The following CAMK2B variants were observed in gnomAD, a reference collection of about 807,000 sequenced individuals.
The protein encoded by CAMK2B is calcium/calmodulin dependent protein kinase II beta, also known as calcium/calmodulin-dependent protein kinase type II subunit beta.
Under a neutral mutation model 93.7 loss-of-function variants are expected in CAMK2B, and 27 were observed. The observed-to-expected ratio is 0.29, with a 90% CI of 0.21 to 0.40. CAMK2B has a LOEUF of 0.40. Among genes scored for constraint, CAMK2B ranks in the 10% least tolerant of loss-of-function variants. CAMK2B has a pLI of 1.00. For synonymous variants in CAMK2B, 374 were observed against 358.8 expected (o/e 1.04, Z -0.48); for missense variants, 568 against 895.8 (o/e 0.63, Z 4.67).
intron 1 of CAMK2B, among the ~76,000 whole-genome samples, chr7:44,313,404 G>A (rs1280358049): frequency 6.6e-6 from 1 of 151,812 alleles, no homozygotes; most frequent in Non-Finnish European, 1.5e-5. Context: ...TGCAGTAATG[G>A]GAAGCTACAG....
At chr7:44,222,875 G>A (rs1330424271) in intron 20 of CAMK2B, among the ~76,000 whole-genome samples, 18 of 152,152 alleles carry the variant, frequency 1.2e-4, no homozygotes, top group Admixed American at 1.0e-3. Flanking sequence ...CCACATGCCC[G>A]GGTGTGCTCA....
intron 2 of CAMK2B, among the ~76,000 whole-genome samples, chr7:44,278,728 G>A (rs1489105026): frequency 2.0e-5 from 3 of 152,228 alleles, no homozygotes; most frequent in Non-Finnish European, 4.4e-5. Context: ...CCCACCCCAA[G>A]AGGCAGGCTG....
At chr7:44,254,350 G>C (rs924302358) in intron 5 of CAMK2B, among the ~76,000 whole-genome samples, 192 bp downstream of exon 5, 4 of 152,234 alleles carry the variant, frequency 2.6e-5, no homozygotes, top group African/African-American at 9.6e-5. Flanking sequence ...GGGCGTGGAG[G>C]GGAGGTGGCC....
At chr7:44,288,784 T>C (rs917345298) in intron 1 of CAMK2B, among the ~76,000 whole-genome samples, 3 of 152,266 alleles carry the variant, frequency 2.0e-5, no homozygotes, top group African/African-American at 7.2e-5. Flanking sequence ...GGCCCGGAAC[T>C]ACATGGCCTG....
At chr7:44,296,456 A>G (rs1788344506) in intron 1 of CAMK2B, among the ~76,000 whole-genome samples, 1 of 152,190 alleles carries the variant, frequency 6.6e-6, no homozygotes, top group Non-Finnish European at 1.5e-5. Flanking sequence ...AAAATTACAA[A>G]AGATATAAAC....
At chr7:44,278,211 G>A (rs555860266) in intron 2 of CAMK2B, among the ~76,000 whole-genome samples, 5 of 152,344 alleles carry the variant, frequency 3.3e-5, no homozygotes, top group Non-Finnish European at 5.9e-5. Flanking sequence ...TGGGCCAGAC[G>A]ACACCAGAAA....
At chr7:44,298,145 A>T (rs1788820856) in intron 1 of CAMK2B, among the ~76,000 whole-genome samples, 1 of 152,130 alleles carries the variant, frequency 6.6e-6, no homozygotes, top group Non-Finnish European at 1.5e-5. Flanking sequence ...AAAACAAAAA[A>T]CCCAATACAA....
chr7:44,241,640 C>A, intron 11 of CAMK2B, 60 bp downstream of exon 11: 1 of 1,399,110 alleles, frequency 7.1e-7, no homozygotes, highest in South Asian at 1.2e-5. Context: ...CCCCCCTGCT[C>A]CAGCCCAGAG....
chr7:44,303,258 A>G (rs573947853), intron 1 of CAMK2B, among the ~76,000 whole-genome samples: 27 of 152,316 alleles, frequency 1.8e-4, no homozygotes, highest in African/African-American at 6.0e-4. Flanking sequence ...TCAAAGAAGA[A>G]CTAAATAAAT....
chr7:44,256,776 C>G, intron 4 of CAMK2B, among the ~76,000 whole-genome samples: 1 of 152,344 alleles, frequency 6.6e-6, no homozygotes, highest in East Asian at 1.9e-4. Context: ...TGCAGGCCCT[C>G]TGGTGTGCTC....
intron 20 of CAMK2B, among the ~76,000 whole-genome samples, chr7:44,223,114 G>A (rs970198473): frequency 6.6e-6 from 1 of 152,224 alleles, no homozygotes; most frequent in Non-Finnish European, 1.5e-5. Context: ...AATGTGTGTA[G>A]ATGAAGCTCA....
chr7:44,269,163 G>A (rs1170432405), intron 2 of CAMK2B, among the ~76,000 whole-genome samples: 1 of 152,202 alleles, frequency 6.6e-6, no homozygotes, highest in Non-Finnish European at 1.5e-5. Context: ...CAAAGATGAG[G>A]AAACTGAGGC....
rs554811154 is a variant in CAMK2B, at chr7:44,225,028, G to A, written c.1597+1488C>T. Among the ~76,000 whole-genome samples, 15 of 152,120 alleles carry A rather than the reference G, an allele frequency of 9.9e-5. No individual in the cohort carries two copies. In the South Asian group the frequency reaches 2.9e-3, roughly 30 times the overall value. On this transcript the variant is annotated intron_variant, in intron 20 of 23. Coordinates refer to ENST00000395749, the MANE Select transcript of CAMK2B (RefSeq NM_001220.5). This position sits in a 1 kb window ranked among gnomAD's most constrained non-coding sequence, Gnocchi z 5.0. ...GCCCTGCTCACAGCTCCTTCCTGCAGCCCCCTCCTCCCCAGCCAAGCTCAG... is the reference window on the plus strand; with the variant it reads ...GCCCTGCTCACAGCTCCTTCCTGCAACCCCCTCCTCCCCAGCCAAGCTCAG...
At chr7:44,263,188 C>CTTGGTGGGGGCACAA in intron 2 of CAMK2B, 124 bp from the exon 3 acceptor site, 1 of 836,914 alleles carries the variant, frequency 1.2e-6, no homozygotes, top group Non-Finnish European at 1.8e-6. Flanking sequence ...TGGTTGTGCC[C>CTTGGTGGGGGCACAA]CCACCAAGGG....
At chr7:44,264,234 A>G (rs1024519733) in intron 2 of CAMK2B, among the ~76,000 whole-genome samples, 4 of 152,156 alleles carry the variant, frequency 2.6e-5, no homozygotes, top group African/African-American at 9.7e-5. Flanking sequence ...CAACTTCACA[A>G]TCATCCTTGG....
Position 44,225,358 on chromosome 7 carries a change from C to T in CAMK2B, c.1597+1158G>A, listed in dbSNP as rs112176709. On this transcript the variant is annotated intron_variant, in intron 20 of 23. Coordinates refer to ENST00000395749, the MANE Select transcript of CAMK2B (RefSeq NM_001220.5). This position sits in a 1 kb window ranked among gnomAD's most constrained non-coding sequence, Gnocchi z 5.0. ...CGGGGGTTCTGACCACTCCCAGAGG[C>T]TCTGCGGTGCACCCACCCCAGCTGC... Among the ~76,000 whole-genome samples the T allele has an allele frequency of 8.7e-3, 1,324 of 152,264 alleles. 20 individuals are homozygous for T. The highest frequency in any genetic ancestry group is 0.03 in the African/African-American group (1,257 of 41,546).
At chr7:44,230,984 G>T (rs1359770361) in intron 17 of CAMK2B, 22 bp downstream of exon 17, 6 of 1,550,826 alleles carry the variant, frequency 3.9e-6, no homozygotes, top group Non-Finnish European at 5.2e-6. Flanking sequence ...CGCTGGGGGG[G>T]CAAGGACTCA....
intron 1 of CAMK2B, among the ~76,000 whole-genome samples, chr7:44,303,368 C>A (rs1790620726): frequency 6.6e-6 from 1 of 152,094 alleles, no homozygotes; most frequent in Admixed American, 6.5e-5. Context: ...CAATCAAATA[C>A]CGGCAAGTTA....
chr7:44,242,393 G>A, intron 9 of CAMK2B, 53 bp from the exon 10 acceptor site: 6 of 1,592,080 alleles, frequency 3.8e-6, no homozygotes, highest in Non-Finnish European at 5.1e-6. Flanking sequence ...CTCAGGCAGG[G>A]GCAAGAATTC....
Sources: allele counts gnomAD v4.1 joint callset (sites outside exome capture counted in the v4.1 genomes callset), GRCh38; gene constraint gnomAD v4.1.1; non-coding constraint Gnocchi (gnomAD v3.1); transcripts MANE v1.5; gene names NCBI Gene and HGNC (gene_info 2026-07-23, HGNC 2026-07-21).